Variants in COL5A2 observed in about 807,000 individuals in gnomAD.
The protein encoded by COL5A2 is collagen type V alpha 2 chain, also known as collagen alpha-2(V) chain.
COL5A2 carries 23 observed loss-of-function variants against 208.2 expected under a neutral mutation model. The ratio of observed to expected loss-of-function variants is 0.11; its 90% CI spans 0.08 to 0.16. The LOEUF is 0.16. Ranked by LOEUF, COL5A2 falls within the 10% of genes least tolerant of loss-of-function variation. The probability of loss-of-function intolerance (pLI) is 1.00; values close to 1 mark genes in which losing one functional copy is unlikely to be tolerated. For synonymous variants in COL5A2, 625 were observed against 628.5 expected (o/e 0.99, Z 0.08); for missense variants, 1,590 against 1,956.4 (o/e 0.81, Z 3.53).
At chr2:189,310,843 T>C in the COL5A2 span, among the ~76,000 whole-genome samples, 39 of 152,206 alleles carry the variant, frequency 2.6e-4, no homozygotes, top group South Asian at 4.2e-3. Flanking sequence ...AAACATCACA[T>C]GTTCTCACTT....
chr2:189,231,027 C>T, the COL5A2 span, among the ~76,000 whole-genome samples: 2 of 151,988 alleles, frequency 1.3e-5, no homozygotes, highest in East Asian at 3.9e-4. Flanking sequence ...TATGCTACAA[C>T]ATGGATGAAT....
intron 7 of COL5A2, among the ~76,000 whole-genome samples, chr2:189,089,434 G>A (rs1439316414): frequency 6.6e-6 from 1 of 152,168 alleles, no homozygotes; most frequent in Admixed American, 6.5e-5. Context: ...AGGAAAGAAT[G>A]TGTGTACTGT....
chr2:189,325,323 A>T, the COL5A2 span, among the ~76,000 whole-genome samples: 105,344 of 147,566 alleles, frequency 0.71, 37,709 homozygotes, highest in East Asian at 0.83. Context: ...AATAAAAAAA[A>T]ATATATATAT....
upstream of COL5A2, among the ~76,000 whole-genome samples, chr2:189,181,216 C>CAAAGG (rs1688775024): frequency 6.6e-6 from 1 of 152,168 alleles, no homozygotes; most frequent in African/African-American, 2.4e-5. Flanking sequence ...TGCATTTTAG[C>CAAAGG]TTTGGAACTA....
the COL5A2 span, among the ~76,000 whole-genome samples, chr2:189,344,504 T>C: frequency 6.6e-6 from 1 of 152,118 alleles, no homozygotes; most frequent in South Asian, 2.1e-4. Context: ...TTGGGAAGTA[T>C]ACTGACACAC....
chr2:189,039,189 G>A lies in COL5A2; in HGVS notation c.3925+83C>T, dbSNP rs1332774683. On this transcript the variant is annotated intron_variant, in intron 51 of 53. Coordinates refer to ENST00000374866, the MANE Select transcript of COL5A2 (RefSeq NM_000393.5). Reference sequence around the variant, plus strand: ...TCTCAAATCTATCACTAAGTAGAAAGTCAGTAACATATTTTGGAATGCAGT... The same window carrying A: ...TCTCAAATCTATCACTAAGTAGAAAATCAGTAACATATTTTGGAATGCAGT... 4.7e-6 allele frequency: 7 copies of A among 1,492,458 alleles called. No homozygotes were observed. The African/African-American group carries it at 5.5e-5, about 12-fold the overall frequency. 92.5% of individuals were successfully genotyped at this position (1,492,458 alleles called of 1,614,324 possible).
At chr2:189,149,112 C>G (rs1023425805) in intron 1 of COL5A2, among the ~76,000 whole-genome samples, 4 of 152,180 alleles carry the variant, frequency 2.6e-5, no homozygotes, top group Admixed American at 2.6e-4. Context: ...TGCACTCCCA[C>G]TTGGGCGACA....
the COL5A2 span, among the ~76,000 whole-genome samples, chr2:189,357,268 G>T: frequency 6.6e-6 from 1 of 152,164 alleles, no homozygotes; most frequent in Non-Finnish European, 1.5e-5. Flanking sequence ...TGCTGTGCTG[G>T]GAGATCCACT....
the COL5A2 span, among the ~76,000 whole-genome samples, chr2:189,401,672 C>T: frequency 6.6e-6 from 1 of 152,216 alleles, no homozygotes; most frequent in Non-Finnish European, 1.5e-5. Flanking sequence ...CTAATTTACA[C>T]TCCCACCAAC....
chr2:189,356,106 C>G, the COL5A2 span, among the ~76,000 whole-genome samples: 1 of 152,214 alleles, frequency 6.6e-6, no homozygotes, highest in Non-Finnish European at 1.5e-5. Flanking sequence ...GATCCCCACT[C>G]TCTTCTGGCT....
At chr2:189,231,312 TATA>T in the COL5A2 span, among the ~76,000 whole-genome samples, 1 of 151,746 alleles carries the variant, frequency 6.6e-6, no homozygotes, top group Non-Finnish European at 1.5e-5. Context: ...GATCTCAAGT[TATA>T]TTTTTTTTGC....
At chr2:189,133,722 C>A (rs1304432894) in intron 1 of COL5A2, among the ~76,000 whole-genome samples, 1 of 152,056 alleles carries the variant, frequency 6.6e-6, no homozygotes, top group African/African-American at 2.4e-5. Context: ...TCCATCCTTA[C>A]GACAGAGGGG....
upstream of COL5A2, among the ~76,000 whole-genome samples, chr2:189,227,459 G>T (rs1274297395): frequency 1.3e-5 from 2 of 151,932 alleles, no homozygotes; most frequent in Non-Finnish European, 1.5e-5. Context: ...AAGAAGATCC[G>T]ACTATGTGCC....
chr2:189,327,691 T>C, the COL5A2 span, among the ~76,000 whole-genome samples: 2 of 152,238 alleles, frequency 1.3e-5, no homozygotes, highest in African/African-American at 4.8e-5. Flanking sequence ...TGGCTACCCA[T>C]ACATAATAAA....
the COL5A2 span, among the ~76,000 whole-genome samples, chr2:189,236,716 C>T: frequency 1.3e-5 from 2 of 151,828 alleles, no homozygotes; most frequent in South Asian, 2.1e-4. Context: ...GGCTATCTGA[C>T]ATTTTCTTAC....
At chr2:189,056,083 A>T (rs930585318) in intron 35 of COL5A2, among the ~76,000 whole-genome samples, 20 of 152,330 alleles carry the variant, frequency 1.3e-4, no homozygotes, top group African/African-American at 4.6e-4. Flanking sequence ...TACCCTTAAG[A>T]TGAAAATTTT....
chr2:189,116,956 T>A (rs1017958078), intron 1 of COL5A2, among the ~76,000 whole-genome samples: 1 of 152,184 alleles, frequency 6.6e-6, no homozygotes, highest in Non-Finnish European at 1.5e-5. Context: ...ATTTAAAAAA[T>A]TTGATAAACT....
chr2:189,085,787 A>C lies in COL5A2; in HGVS notation c.691-15T>G, dbSNP rs756189756. The C allele has an allele frequency of 9.3e-6, 15 of 1,605,346 alleles. No homozygotes were observed. The East Asian group carries it at 3.1e-4, about 33-fold the overall frequency. Reference sequence around the variant, plus strand: ...CCTGCACCACCCTACAGTTGAAAACAAAGTATATATACAAACCAAGGAAAA... The same window carrying C: ...CCTGCACCACCCTACAGTTGAAAACCAAGTATATATACAAACCAAGGAAAA... On this transcript the variant is annotated splice_polypyrimidine_tract_variant and intron_variant, in intron 9 of 53. Coordinates refer to ENST00000374866, the MANE Select transcript of COL5A2 (RefSeq NM_000393.5).
At chr2:189,241,508 G>A in the COL5A2 span, among the ~76,000 whole-genome samples, 8 of 152,168 alleles carry the variant, frequency 5.3e-5, no homozygotes, top group African/African-American at 1.7e-4. Flanking sequence ...CCTGGGCAAC[G>A]TATTGAGACC....
Sources: allele counts gnomAD v4.1 joint callset (sites outside exome capture counted in the v4.1 genomes callset), GRCh38; gene constraint gnomAD v4.1.1; transcripts MANE v1.5; gene names NCBI Gene and HGNC (gene_info 2026-07-23, HGNC 2026-07-21).